The following FBXL17 variants were observed in gnomAD, a reference collection of about 807,000 sequenced individuals.
FBXL17 encodes the protein F-box/LRR-repeat protein 17.
Under a neutral mutation model 66.2 loss-of-function variants are expected in FBXL17, and 22 were observed. The ratio of observed to expected loss-of-function variants is 0.33; its 90% CI spans 0.24 to 0.47. The LOEUF (loss-of-function observed/expected upper bound fraction) is 0.47, where lower values mean the gene tolerates loss of function less well. Among genes scored for constraint, FBXL17 ranks in the 20% least tolerant of loss-of-function variants. FBXL17 has a pLI of 1.00. For synonymous variants in FBXL17, 474 were observed against 400.5 expected, an observed-to-expected ratio of 1.18 and a Z score of -2.19; for missense variants, 878 against 948.2, an observed-to-expected ratio of 0.93 and a Z score of 0.97.
At chr5:108,001,496 T>A (rs1753726465) in intron 7 of FBXL17, among the ~76,000 whole-genome samples, 1 of 152,170 alleles carries the variant, frequency 6.6e-6, no homozygotes, top group South Asian at 2.1e-4. Context: ...ATTAGTTTTT[T>A]TTTGTATTTT....
At chr5:108,332,075 T>C (rs1760149651) in intron 4 of FBXL17, among the ~76,000 whole-genome samples, 1 of 152,128 alleles carries the variant, frequency 6.6e-6, no homozygotes, top group Non-Finnish European at 1.5e-5. Context: ...CAGACATATA[T>C]ACAAATGTAA....
intron 4 of FBXL17, among the ~76,000 whole-genome samples, 189 bp from the exon 5 acceptor site, chr5:108,224,417 C>G (rs1206847960): frequency 3.3e-5 from 5 of 152,000 alleles, no homozygotes; most frequent in African/African-American, 1.2e-4. Flanking sequence ...GACCCTACAT[C>G]CACTTCTTAT....
At chr5:108,358,897 T>C (rs1029781312) in intron 3 of FBXL17, among the ~76,000 whole-genome samples, 7 of 152,212 alleles carry the variant, frequency 4.6e-5, no homozygotes, top group African/African-American at 1.7e-4. Context: ...TTTTTCTTTT[T>C]TTGTTAAGAG....
chr5:108,134,848 C>A (rs1751074601), intron 6 of FBXL17, among the ~76,000 whole-genome samples: 1 of 152,182 alleles, frequency 6.6e-6, no homozygotes, highest in Non-Finnish European at 1.5e-5. Flanking sequence ...CCCCCACTTA[C>A]AAATTAAGTC....
intron 3 of FBXL17, among the ~76,000 whole-genome samples, chr5:108,353,665 A>G (rs1747783869): frequency 6.6e-6 from 1 of 152,144 alleles, no homozygotes; most frequent in African/African-American, 2.4e-5. Context: ...GGGGAAGGGA[A>G]ATATTGAACT....
At chr5:108,125,743 T>C (rs1464917693) in intron 6 of FBXL17, among the ~76,000 whole-genome samples, 1 of 152,118 alleles carries the variant, frequency 6.6e-6, no homozygotes, top group East Asian at 1.9e-4. Context: ...GTTATAGTTT[T>C]GTGTTGGAGG....
At chr5:108,351,442 G>C (rs191984205) in intron 3 of FBXL17, among the ~76,000 whole-genome samples, 1 of 152,206 alleles carries the variant, frequency 6.6e-6, no homozygotes, top group East Asian at 1.9e-4. Flanking sequence ...TCTCTCCACT[G>C]ATTATTCTGT....
Position 108,299,564 on chromosome 5 carries a change from C to T in FBXL17, c.1506+48835G>A, listed in dbSNP as rs373477712. On this transcript the variant is annotated intron_variant, in intron 4 of 8. Transcript: ENST00000542267. ...CAATTTTAGATAAAGATATATTTTT[C>T]CAGAAAAGCTCCCTGGCGTTTTACT... is the stretch of plus-strand genomic sequence containing the variant. The T allele has an allele frequency of 7.2e-6, 7 of 968,834 alleles. No homozygotes were observed. The African/African-American group carries it at 1.1e-4, about 15-fold the overall frequency. 60.0% of individuals were successfully genotyped at this position (968,834 alleles called of 1,614,324 possible). A position where few individuals can be genotyped will look rare whatever the true frequency, so the allele number is the denominator to read the frequency against.
At position 107,859,191 on chromosome 5, in the gene FBXL17, C is replaced by G. The variant is rs1306597575; in HGVS notation, c.*2529G>C. On this transcript the variant is annotated 3_prime_UTR_variant, in exon 9 of 9. Transcript: ENST00000542267. ...AGCAATATATTTCATAGTCTTTATT[C>G]TGAAAATACTGTTGACATTTTGGAG... 1.3e-5 allele frequency: 2 copies of G among 152,040 alleles called. No individual in the cohort carries two copies. The highest frequency in any genetic ancestry group is 2.9e-5 in the Non-Finnish European group (2 of 67,994). The allele number at this position is 152,040 out of a possible 1,614,324, so 9.4% of individuals were successfully genotyped here. A position where few individuals can be genotyped will look rare whatever the true frequency, so the allele number is the denominator to read the frequency against.
At chr5:107,890,918 C>T (rs1749177700) in intron 7 of FBXL17, among the ~76,000 whole-genome samples, 1 of 152,124 alleles carries the variant, frequency 6.6e-6, no homozygotes, top group African/African-American at 2.4e-5. Context: ...CACTATGTGT[C>T]AGGCAAATGT....
At chr5:108,040,141 T>C (rs2112801332) in intron 6 of FBXL17, among the ~76,000 whole-genome samples, 1 of 152,210 alleles carries the variant, frequency 6.6e-6, no homozygotes, top group East Asian at 1.9e-4. Flanking sequence ...CTGTGGGCAT[T>C]TTTGCTGTTT....
At chr5:107,945,230 G>A (rs964299893) in intron 7 of FBXL17, among the ~76,000 whole-genome samples, 6 of 152,060 alleles carry the variant, frequency 3.9e-5, no homozygotes, top group East Asian at 1.9e-4. Context: ...CACAGCAATC[G>A]GATTGGCAAA....
chr5:107,974,511 CA>C (rs1752507482), intron 7 of FBXL17, among the ~76,000 whole-genome samples: 1 of 152,080 alleles, frequency 6.6e-6, no homozygotes, highest in African/African-American at 2.4e-5. Context: ...CAATTTCCAT[CA>C]GACAATATTT....
intron 5 of FBXL17, among the ~76,000 whole-genome samples, chr5:108,208,481 T>TTACACCA (rs1754224907): frequency 6.6e-6 from 1 of 152,188 alleles, no homozygotes; most frequent in East Asian, 1.9e-4. Context: ...CTTGAGTTGA[T>TTACACCA]TTTTGTATAA....
Position 108,234,658 on chromosome 5 carries a change from G to GT in FBXL17, c.1507-10431dup, listed in dbSNP as rs1580665286. On this transcript the variant is annotated intron_variant, in intron 4 of 8. Coordinates refer to ENST00000542267, the MANE Select transcript of FBXL17 (RefSeq NM_001163315.3). ...AGAGAAGTGTTACCACTTGATTACT[G>GT]TTTTCATCTCCTGCAGATAGAATCG... Among the ~76,000 whole-genome samples, 4 of 152,274 alleles carry GT rather than the reference G, an allele frequency of 2.6e-5. 1 individual carries two copies. The highest frequency in any genetic ancestry group is 6.5e-5 in the Admixed American group (1 of 15,288).
intron 4 of FBXL17, among the ~76,000 whole-genome samples, chr5:108,347,598 T>C (rs750784781): frequency 3.1e-4 from 47 of 152,292 alleles, no homozygotes; most frequent in Non-Finnish European, 6.3e-4. Flanking sequence ...TATCACGTGA[T>C]TCCATTTATA....
At chr5:108,054,970 G>C (rs925388764) in intron 6 of FBXL17, among the ~76,000 whole-genome samples, 13 of 152,034 alleles carry the variant, frequency 8.6e-5, no homozygotes, top group African/African-American at 2.9e-4. Flanking sequence ...ATAGGAAAAA[G>C]TATGCCTATT....
intron 2 of FBXL17, among the ~76,000 whole-genome samples, chr5:108,367,336 A>AG: frequency 6.6e-6 from 1 of 152,134 alleles, no homozygotes; most frequent in Middle Eastern, 3.4e-3. Context: ...GAAAAGTTAA[A>AG]GAAAAAAAAA....
intron 6 of FBXL17, among the ~76,000 whole-genome samples, chr5:108,117,953 A>C (rs949157821): frequency 6.6e-6 from 1 of 152,162 alleles, no homozygotes; most frequent in Non-Finnish European, 1.5e-5. Flanking sequence ...CTTCTTTGTC[A>C]GCATACTAGA....
Sources: allele counts gnomAD v4.1 joint callset (sites outside exome capture counted in the v4.1 genomes callset), GRCh38; gene constraint gnomAD v4.1.1; transcripts MANE v1.5; gene names NCBI Gene and HGNC (gene_info 2026-07-23, HGNC 2026-07-21).